THAP4: variants seen among roughly 807,000 people sequenced by gnomAD.
THAP4 encodes THAP domain containing 4.
THAP4 carries 18 observed loss-of-function variants against 48.1 expected under a neutral mutation model. That is an observed-to-expected ratio of 0.37 (90% confidence interval 0.26 to 0.56). THAP4 has a LOEUF of 0.56. Among genes scored for constraint, THAP4 ranks in the 20% least tolerant of loss-of-function variants. The pLI, the probability that THAP4 is intolerant of heterozygous loss-of-function variation, is 0.78. For synonymous variants in THAP4, 345 were observed against 324.9 expected, an observed-to-expected ratio of 1.06 and a Z score of -0.66; for missense variants, 656 against 774.9, an observed-to-expected ratio of 0.85 and a Z score of 1.82.
chr2:241,636,824 C>T, intron 1 of THAP4, 117 bp downstream of exon 1: 1 of 471,408 alleles, frequency 2.1e-6, no homozygotes, highest in Non-Finnish European at 2.8e-6. Flanking sequence ...CGCTCCCCCG[C>T]GCCCCGGCCG....
chr2:241,622,869 G>A (rs1328754366), intron 2 of THAP4, among the ~76,000 whole-genome samples: 3 of 152,088 alleles, frequency 2.0e-5, no homozygotes, highest in Non-Finnish European at 2.9e-5. Flanking sequence ...TCTCAAAGCT[G>A]AGATTACAGG....
chr2:241,597,916 G>C (rs2125073235), intron 5 of THAP4, among the ~76,000 whole-genome samples: 1 of 151,316 alleles, frequency 6.6e-6, no homozygotes, highest in East Asian at 1.9e-4. Flanking sequence ...CAGAAAAAGA[G>C]CCACTTTTTG....
At chr2:241,586,355 G>T (rs2066896792) in intron 5 of THAP4, among the ~76,000 whole-genome samples, 1 of 151,700 alleles carries the variant, frequency 6.6e-6, no homozygotes, top group Non-Finnish European at 1.5e-5. Flanking sequence ...AAACAGGCTG[G>T]GAAGTCCGGT....
At chr2:241,632,511 AAC>A (rs879380550) in intron 2 of THAP4, among the ~76,000 whole-genome samples, 2 of 152,234 alleles carry the variant, frequency 1.3e-5, no homozygotes, top group African/African-American at 4.8e-5. Context: ...TCATGATTTT[AAC>A]AGTTTCTGAT....
At chr2:241,631,952 AAG>A (rs372515844) in intron 2 of THAP4, among the ~76,000 whole-genome samples, 1,673 of 151,502 alleles carry the variant, frequency 0.011, 30 homozygotes, top group African/African-American at 0.039. Flanking sequence ...CAGGCTGACA[AAG>A]AGTAGTGCAG....
intron 2 of THAP4, among the ~76,000 whole-genome samples, chr2:241,624,371 C>T (rs1559232732): frequency 6.6e-6 from 1 of 151,946 alleles, no homozygotes; most frequent in Non-Finnish European, 1.5e-5. Context: ...CCTGTACTCC[C>T]AGCTACTCAG....
chr2:241,634,169 A>G, intron 1 of THAP4, 90 bp from the exon 2 acceptor site: 1 of 1,007,214 alleles, frequency 9.9e-7, no homozygotes, highest in Non-Finnish European at 1.5e-6. Context: ...GTATTTTTGC[A>G]CGCACCCTAA....
intron 5 of THAP4, among the ~76,000 whole-genome samples, chr2:241,600,396 G>C (rs904133801): frequency 1.3e-5 from 2 of 152,042 alleles, no homozygotes; most frequent in Non-Finnish European, 2.9e-5. Flanking sequence ...TAAAGGTCTA[G>C]GTGGTAATGT....
chr2:241,604,535 G>A (rs1388021662), intron 3 of THAP4, among the ~76,000 whole-genome samples: 1 of 151,936 alleles, frequency 6.6e-6, no homozygotes, highest in Admixed American at 6.6e-5. Flanking sequence ...ACAGGTGTGA[G>A]CCACTGTGCC....
chr2:241,594,647 A>G, intron 5 of THAP4: 1 of 267,196 alleles, frequency 3.7e-6, no homozygotes, highest in Admixed American at 3.6e-5. Flanking sequence ...GGCCCCAGCT[A>G]CTTGGGAGGG....
At chr2:241,602,161 G>C in intron 4 of THAP4, 162 bp from the exon 5 acceptor site, 1 of 678,554 alleles carries the variant, frequency 1.5e-6, no homozygotes, top group Non-Finnish European at 2.5e-6. Flanking sequence ...CTGTGGATAC[G>C]GAGGGAAAGC....
rs549930359 is a variant in THAP4 at position 241,618,093 on chromosome 2, G to A, written c.1241-11620C>T. On this transcript the variant is annotated intron_variant, in intron 2 of 5. Coordinates refer to ENST00000407315, the MANE Select transcript of THAP4 (RefSeq NM_015963.6). ...GGGTGCATGGAAGCTGAGGGTGCGC[G>A]GCCCGCACCAGCTGTCCCAAGGTGG... Among the ~76,000 whole-genome samples the A allele has an allele frequency of 5.9e-5, 9 of 152,286 alleles. No homozygotes were observed. In the South Asian group the frequency reaches 1.2e-3, roughly 21 times the overall value.
In THAP4 at chr2:241,612,909, A is replaced by G. The variant is rs2067295449; in HGVS notation, c.1241-6436T>C. Among the ~76,000 whole-genome samples, 1 of 152,224 alleles carries G rather than the reference A, an allele frequency of 6.6e-6. No individual in the cohort carries two copies. The highest frequency in any genetic ancestry group is 1.5e-5 in the Non-Finnish European group (1 of 68,036). ...GACACGTGCAGTGAGTGCGAGCTACAAACTAGATTCCGAAAACTCAGTCCA... is the reference window on the plus strand; with the variant it reads ...GACACGTGCAGTGAGTGCGAGCTACGAACTAGATTCCGAAAACTCAGTCCA... On this transcript the variant is annotated intron_variant, in intron 2 of 5. Coordinates refer to ENST00000407315, the MANE Select transcript of THAP4 (RefSeq NM_015963.6). This position sits in a 1 kb window ranked among gnomAD's most constrained non-coding sequence, Gnocchi z 4.1.
rs1375573611 is a variant in THAP4 at position 241,633,013 on chromosome 2, G to C, written c.1144C>G (p.Arg382Gly). 1.2e-6 allele frequency: 2 copies of C among 1,613,616 alleles called. No individual in the cohort carries two copies. The highest frequency in any genetic ancestry group is 2.7e-5 in the African/African-American group (2 of 74,920). The change falls in exon 2 of 6, where the codon CGC (arginine) becomes GGC (glycine). Residue 382 changes from arginine (R) to glycine (G), a missense_variant. Physicochemically the swap from Arg to Gly is moderately radical, Grantham distance 125. Transcript: ENST00000407315. The surrounding 1 kb of genome is among the most constrained non-coding windows in gnomAD (Gnocchi z 7.5). ...ELKSLRQRVS[R>G]SDSQVRKLQE... ...AGCTTCCGCACCTGGCTGTCGGAGCGGCTGACCCTCTGCCGCAGGCTCTTC... is the reference window on the plus strand; with the variant it reads ...AGCTTCCGCACCTGGCTGTCGGAGCCGCTGACCCTCTGCCGCAGGCTCTTC...
rs1474168435 is a variant in THAP4, at chr2:241,616,144, A to G, written c.1241-9671T>C. Among the ~76,000 whole-genome samples the G allele has an allele frequency of 2.0e-5, 3 of 152,230 alleles. No homozygotes were observed. The highest frequency in any genetic ancestry group is 4.8e-5 in the African/African-American group (2 of 41,448). On this transcript the variant is annotated intron_variant, in intron 2 of 5. Coordinates refer to ENST00000407315, the MANE Select transcript of THAP4 (RefSeq NM_015963.6). The surrounding 1 kb of genome is among the most constrained non-coding windows in gnomAD (Gnocchi z 4.6). ...CTGGTCAAGTTGAACTGGACCATCT[A>G]TTCCCCCAAGTGGGCCTGGATGGGC...
At chr2:241,609,622 A>C (rs1431388098) in intron 2 of THAP4, among the ~76,000 whole-genome samples, 2 of 152,178 alleles carry the variant, frequency 1.3e-5, no homozygotes, top group Non-Finnish European at 2.9e-5. Flanking sequence ...CGCTGTCTCT[A>C]TTAAAAATAC....
rs1321960185 is a variant in THAP4, at chr2:241,601,945, G to A, written c.1565C>T (p.Ser522Phe). 6.2e-7 allele frequency: 1 copy of A among 1,613,258 alleles called. No individual in the cohort carries two copies. The highest frequency in any genetic ancestry group is 1.3e-5 in the African/African-American group (1 of 75,018). ...GAAGGAGATCCTGGCGATGGAGTGG[G>A]ATGCGATGCACAGCTCCTGCCCGTT... Reference protein sequence around the residue: ...EVNGQELCIASHSIARISFAK... With the variant: ...EVNGQELCIAFHSIARISFAK... The change falls in exon 5 of 6, where the codon TCC becomes TTC. Residue 522 changes from serine to phenylalanine, a missense_variant. Coordinates refer to ENST00000407315, the MANE Select transcript of THAP4 (RefSeq NM_015963.6). This position sits in a 1 kb window ranked among gnomAD's most constrained non-coding sequence, Gnocchi z 4.0.
intron 3 of THAP4, among the ~76,000 whole-genome samples, chr2:241,604,113 T>C (rs1342321434): frequency 6.6e-6 from 1 of 152,182 alleles, no homozygotes; most frequent in Non-Finnish European, 1.5e-5. Flanking sequence ...TTTATTTTTT[T>C]GCTCTGTCAC....
intron 2 of THAP4, among the ~76,000 whole-genome samples, chr2:241,621,496 T>A (rs1178298260): frequency 3.3e-5 from 5 of 152,060 alleles, no homozygotes; most frequent in African/African-American, 1.2e-4. Context: ...CCAAAAATGC[T>A]AACTGAAATG....
Sources: gnomAD v4.1 joint callset for allele counts (sites outside exome capture counted in the v4.1 genomes callset) on GRCh38, gnomAD v4.1.1 for gene constraint, Gnocchi (gnomAD v3.1) non-coding constraint, MANE v1.5 for transcripts, NCBI Gene and HGNC (gene_info 2026-07-23, HGNC 2026-07-21) for gene names.